The following MGAT4C variants were observed in gnomAD, a reference collection of about 807,000 sequenced individuals.
MGAT4C encodes the protein MGAT4 family member C.
Under a neutral mutation model 40.1 loss-of-function variants are expected in MGAT4C, and 19 were observed. That is an observed-to-expected ratio of 0.47 (90% confidence interval 0.33 to 0.70). The LOEUF (loss-of-function observed/expected upper bound fraction) is 0.70. Ranked by LOEUF, MGAT4C falls within the 30% of genes least tolerant of loss-of-function variation. The probability of loss-of-function intolerance (pLI) is 0.02; values close to 1 mark genes in which losing one functional copy is unlikely to be tolerated. For missense variants in MGAT4C, 491 were observed against 563.2 expected (o/e 0.87, Z 1.30); for synonymous variants, 181 against 187.1 (o/e 0.97, Z 0.27).
intron 1 of MGAT4C, among the ~76,000 whole-genome samples, chr12:86,741,243 C>T (rs1951063941): frequency 6.6e-6 from 1 of 151,120 alleles, no homozygotes; most frequent in South Asian, 2.1e-4. Context: ...AAGGGCCCAT[C>T]ATTGGTGGAT....
At chr12:86,711,022 G>A (rs1456767262) in intron 2 of MGAT4C, among the ~76,000 whole-genome samples, 7 of 151,922 alleles carry the variant, frequency 4.6e-5, no homozygotes, top group Admixed American at 6.6e-5. Context: ...AATGGACTTC[G>A]AGGACTTAGA....
intron 3 of MGAT4C, among the ~76,000 whole-genome samples, chr12:86,364,035 C>A (rs1294631581): frequency 1.3e-5 from 2 of 151,442 alleles, no homozygotes; most frequent in Non-Finnish European, 3.0e-5. Flanking sequence ...CTTCAATGGT[C>A]CTCTATCTGT....
intron 1 of MGAT4C, among the ~76,000 whole-genome samples, chr12:86,054,299 A>G (rs560448505): frequency 9.2e-5 from 14 of 152,186 alleles, no homozygotes; most frequent in African/African-American, 3.1e-4. Flanking sequence ...TATTGTGCTA[A>G]GTGAATTAAA....
intron 2 of MGAT4C, among the ~76,000 whole-genome samples, chr12:86,507,632 T>G (rs746860886): frequency 1.3e-5 from 2 of 152,134 alleles, no homozygotes; most frequent in Non-Finnish European, 2.9e-5. Flanking sequence ...GAAGAAAGCA[T>G]TGGTGAGCAA....
intron 2 of MGAT4C, chr12:86,027,966 T>TTGTATTTC (rs1890384611): frequency 3.6e-6 from 1 of 279,734 alleles, no homozygotes; most frequent in Admixed American, 4.8e-5. Context: ...CTCACCAACA[T>TTGTATTTC]AATATTGTAT....
At chr12:86,587,953 C>A (rs1324208991) in intron 2 of MGAT4C, among the ~76,000 whole-genome samples, 9 of 151,998 alleles carry the variant, frequency 5.9e-5, no homozygotes, top group Non-Finnish European at 1.2e-4. Context: ...CTTCTCCTGA[C>A]TGATTGCCCT....
chr12:86,009,601 A>C (rs977923142), intron 2 of MGAT4C, among the ~76,000 whole-genome samples: 1 of 152,118 alleles, frequency 6.6e-6, no homozygotes, highest in African/African-American at 2.4e-5. Flanking sequence ...CCCCCCAATC[A>C]GGAATCACTG....
intron 2 of MGAT4C, among the ~76,000 whole-genome samples, chr12:86,439,319 A>C (rs1957188376): frequency 6.6e-6 from 1 of 152,084 alleles, no homozygotes; most frequent in Non-Finnish European, 1.5e-5. Context: ...TAATTCCCAA[A>C]GGAATCCTCA....
upstream of MGAT4C, among the ~76,000 whole-genome samples, chr12:86,261,234 A>T (rs1214837968): frequency 6.6e-6 from 1 of 152,128 alleles, no homozygotes; most frequent in Non-Finnish European, 1.5e-5. Flanking sequence ...GAACATATTT[A>T]AAAACCCAAA....
At chr12:86,272,066 T>G (rs1952965371) in intron 4 of MGAT4C, among the ~76,000 whole-genome samples, 1 of 152,136 alleles carries the variant, frequency 6.6e-6, no homozygotes, top group African/African-American at 2.4e-5. Flanking sequence ...ATAGAAGGAA[T>G]AAATTCAATA....
intron 2 of MGAT4C, among the ~76,000 whole-genome samples, chr12:86,558,596 C>T (rs1290255905): frequency 6.6e-6 from 1 of 151,908 alleles, no homozygotes; most frequent in Admixed American, 6.6e-5. Flanking sequence ...CCCAGACAAA[C>T]AAAAACAGAA....
chr12:86,817,518 AT>A (rs1189563440), intron 1 of MGAT4C, among the ~76,000 whole-genome samples: 3 of 151,258 alleles, frequency 2.0e-5, no homozygotes, highest in Admixed American at 6.6e-5. Flanking sequence ...TGTCTCACTT[AT>A]TTTTTTCTAT....
intron 2 of MGAT4C, among the ~76,000 whole-genome samples, chr12:86,540,054 T>A (rs921137116): frequency 7.2e-5 from 11 of 152,230 alleles, no homozygotes; most frequent in Admixed American, 4.6e-4. Context: ...TGTTGGCTTT[T>A]GTTGCCATTG....
intron 2 of MGAT4C, among the ~76,000 whole-genome samples, chr12:86,638,168 C>A (rs1239973573): frequency 3.3e-5 from 5 of 152,032 alleles, no homozygotes; most frequent in South Asian, 4.2e-4. Context: ...GAAATTAAAT[C>A]TCTAAGGGAA....
At chr12:86,221,571 A>G (rs1290047790) in intron 1 of MGAT4C, among the ~76,000 whole-genome samples, 1 of 152,182 alleles carries the variant, frequency 6.6e-6, no homozygotes, top group Non-Finnish European at 1.5e-5. Context: ...GTGACCTGCA[A>G]TCTAAGTTAG....
At chr12:86,747,335 G>T (rs1951167154) in intron 1 of MGAT4C, among the ~76,000 whole-genome samples, 1 of 151,608 alleles carries the variant, frequency 6.6e-6, no homozygotes. Context: ...CAGCTTGTTA[G>T]AGAATTTAAA....
chr12:86,687,665 A>G (rs1479184954), intron 2 of MGAT4C, among the ~76,000 whole-genome samples: 2 of 152,096 alleles, frequency 1.3e-5, no homozygotes, highest in African/African-American at 4.8e-5. Context: ...GTTTCTTAAT[A>G]CTGAGTTCTC....
chr12:86,375,118 A>G (rs1388294450), intron 3 of MGAT4C, among the ~76,000 whole-genome samples: 1 of 152,164 alleles, frequency 6.6e-6, no homozygotes, highest in Non-Finnish European at 1.5e-5. Context: ...TCATGAATAA[A>G]ATTTAAAAAA....
At chr12:85,999,203 A>G (rs1886996123) in intron 2 of MGAT4C, among the ~76,000 whole-genome samples, 1 of 152,080 alleles carries the variant, frequency 6.6e-6, no homozygotes, top group African/African-American at 2.4e-5. Flanking sequence ...CCATGATTCC[A>G]TTGCCTTTCA....
Sources: gnomAD v4.1 joint callset for allele counts (sites outside exome capture counted in the v4.1 genomes callset) on GRCh38, gnomAD v4.1.1 for gene constraint, MANE v1.5 for transcripts, NCBI Gene and HGNC (gene_info 2026-07-23, HGNC 2026-07-21) for gene names.